The following ARL15 variants were observed in gnomAD, a reference collection of about 807,000 sequenced individuals.
ARL15 encodes ADP-ribosylation factor-like protein 15.
A neutral mutation model predicts 25.2 loss-of-function variants in ARL15; 19 were observed. That is an observed-to-expected ratio of 0.75 (90% CI 0.53 to 1.10). The LOEUF is 1.10. Among genes scored for constraint, ARL15 ranks in the 50% least tolerant of loss-of-function variants. ARL15 has a pLI of 0.00. For synonymous variants in ARL15, 94 were observed against 86.8 expected (o/e 1.08, Z -0.46); for missense variants, 220 against 246.0 (o/e 0.89, Z 0.71).
Position 54,303,260 on chromosome 5 carries a change from G to A in ARL15, c.48+7172C>T, listed in dbSNP as rs2015000. Among the ~76,000 whole-genome samples the A allele has an allele frequency of 5.9e-5, 9 of 152,100 alleles. 1 individual carries two copies. Among genetic ancestry groups the A allele is most frequent in the Admixed American group, 2.0e-4 (3 of 15,272 alleles). On this transcript the variant is annotated intron_variant, in intron 1 of 4. Coordinates refer to ENST00000504924, the MANE Select transcript of ARL15 (RefSeq NM_019087.3). ...AATGGGGCTGGGCACAGTGGCTCAC[G>A]CCTGTGATCCTAGCACTTTGGGAAG...
chr5:54,036,069 G>A (rs1362019617), intron 4 of ARL15, among the ~76,000 whole-genome samples: 2 of 151,846 alleles, frequency 1.3e-5, no homozygotes, highest in East Asian at 3.9e-4. Context: ...AGGATCACTT[G>A]AGCCCAGGGG....
chr5:53,929,403 A>T (rs1746131361), intron 4 of ARL15, among the ~76,000 whole-genome samples: 1 of 152,156 alleles, frequency 6.6e-6, no homozygotes, highest in African/African-American at 2.4e-5. Flanking sequence ...AGTCACGATA[A>T]TTGTGTGTCC....
At chr5:54,118,935 T>A (rs1752990877) in intron 3 of ARL15, among the ~76,000 whole-genome samples, 1 of 152,124 alleles carries the variant, frequency 6.6e-6, no homozygotes, top group East Asian at 1.9e-4. Context: ...CCTCACCTTA[T>A]CCTCCCTCAA....
intron 4 of ARL15, among the ~76,000 whole-genome samples, chr5:53,963,234 A>G (rs985067026): frequency 2.0e-5 from 3 of 152,218 alleles, no homozygotes; most frequent in African/African-American, 7.2e-5. Context: ...ACAGTGCAAG[A>G]CTGTCAGATT....
intron 4 of ARL15, among the ~76,000 whole-genome samples, chr5:53,979,673 A>G (rs1342163074): frequency 1.3e-5 from 2 of 152,210 alleles, no homozygotes; most frequent in Non-Finnish European, 2.9e-5. Context: ...GCCTGATTCT[A>G]AAGCCCCACT....
At chr5:53,983,068 T>C (rs1357835435) in intron 4 of ARL15, among the ~76,000 whole-genome samples, 1 of 152,212 alleles carries the variant, frequency 6.6e-6, no homozygotes. Context: ...AGCGGTTTTT[T>C]CTTATGTAAA....
intron 4 of ARL15, among the ~76,000 whole-genome samples, chr5:54,053,176 G>A (rs764833097): frequency 2.6e-5 from 4 of 152,056 alleles, no homozygotes; most frequent in South Asian, 2.1e-4. Context: ...CCTGGGGCCC[G>A]GGAGGATCCC....
intron 4 of ARL15, among the ~76,000 whole-genome samples, chr5:54,028,184 A>G (rs1749849826): frequency 6.6e-6 from 1 of 152,078 alleles, no homozygotes; most frequent in South Asian, 2.1e-4. Flanking sequence ...GCCTCCCAAA[A>G]TGCTGGGATT....
chr5:54,221,866 CACACAA>C (rs1333782356), intron 1 of ARL15, among the ~76,000 whole-genome samples: 7 of 138,418 alleles, frequency 5.1e-5, no homozygotes, highest in Admixed American at 3.5e-4. Context: ...CACACACACA[CACACAA>C]AACCCTCATG....
chr5:53,922,366 T>C (rs569604456), intron 4 of ARL15, among the ~76,000 whole-genome samples: 1 of 152,372 alleles, frequency 6.6e-6, no homozygotes, highest in Non-Finnish European at 1.5e-5. Context: ...AAAGGATCAC[T>C]GTACCAGTTC....
chr5:54,108,861 C>T (rs1403652907), intron 4 of ARL15, among the ~76,000 whole-genome samples: 3 of 151,948 alleles, frequency 2.0e-5, no homozygotes, highest in Non-Finnish European at 4.4e-5. Flanking sequence ...CTAGCACCCT[C>T]TTCCAGAAGA....
At chr5:54,011,731 C>T (rs1170564670) in intron 4 of ARL15, among the ~76,000 whole-genome samples, 1 of 152,040 alleles carries the variant, frequency 6.6e-6, no homozygotes. Context: ...AGCATAAGGG[C>T]CGGGTGTTGT....
At chr5:54,240,830 A>G (rs544968212) in intron 1 of ARL15, among the ~76,000 whole-genome samples, 22 of 152,328 alleles carry the variant, frequency 1.4e-4, no homozygotes, top group African/African-American at 5.3e-4. Context: ...TCAACATGAC[A>G]CTCAAAGAAA....
At chr5:54,242,469 T>C (rs1409926149) in intron 1 of ARL15, among the ~76,000 whole-genome samples, 3 of 152,136 alleles carry the variant, frequency 2.0e-5, no homozygotes, top group Non-Finnish European at 4.4e-5. Context: ...CATAGTCTCA[T>C]ACACCCTCCT....
At chr5:54,211,990 G>A (rs552284897) in intron 1 of ARL15, among the ~76,000 whole-genome samples, 3 of 152,256 alleles carry the variant, frequency 2.0e-5, no homozygotes, top group African/African-American at 7.2e-5. Flanking sequence ...CATTAGGAAT[G>A]TGTCTGGCTA....
chr5:53,960,806 C>G (rs1243268146), intron 4 of ARL15, among the ~76,000 whole-genome samples: 2 of 152,194 alleles, frequency 1.3e-5, no homozygotes, highest in African/African-American at 4.8e-5. Context: ...CAGAGTATTC[C>G]ACTTTCAATC....
chr5:54,310,274 C>A, intron 1 of ARL15, 158 bp downstream of exon 1: 1 of 797,230 alleles, frequency 1.3e-6, no homozygotes, highest in Non-Finnish European at 1.9e-6. Flanking sequence ...GCTGCCCCTC[C>A]GAGTCCAGGG....
At chr5:54,045,193 C>CTTT (rs1342868716) in intron 4 of ARL15, among the ~76,000 whole-genome samples, 1 of 152,122 alleles carries the variant, frequency 6.6e-6, no homozygotes, top group Non-Finnish European at 1.5e-5. Context: ...GGTCAGAAAA[C>CTTT]ACAAAGCATA....
chr5:53,928,705 A>C (rs570890679), intron 4 of ARL15, among the ~76,000 whole-genome samples: 4 of 152,318 alleles, frequency 2.6e-5, no homozygotes, highest in African/African-American at 9.6e-5. Context: ...TTTAACAAGG[A>C]CATTGTTATT....
Sources: allele counts gnomAD v4.1 joint callset (sites outside exome capture counted in the v4.1 genomes callset), GRCh38; gene constraint gnomAD v4.1.1; transcripts MANE v1.5; gene names NCBI Gene and HGNC (gene_info 2026-07-23, HGNC 2026-07-21).